Variants in VPS8 observed in about 807,000 individuals in gnomAD.
VPS8 encodes VPS8 subunit of CORVET complex, also known as vacuolar protein sorting-associated protein 8 homolog.
In VPS8, 129 loss-of-function variants were observed where a neutral mutation model predicts 216.4. The observed-to-expected ratio is 0.60, with a 90% confidence interval of 0.52 to 0.69. The LOEUF (loss-of-function observed/expected upper bound fraction) is 0.69. Among genes scored for constraint, VPS8 ranks in the 30% least tolerant of loss-of-function variants. The pLI is 0.00. For synonymous variants in VPS8, 571 were observed against 565.4 expected, an observed-to-expected ratio of 1.01 and a Z score of -0.14; for missense variants, 1,531 against 1,683.5, an observed-to-expected ratio of 0.91 and a Z score of 1.59.
chr3:184,942,093 TA>T (rs1284678840), intron 36 of VPS8, among the ~76,000 whole-genome samples: 1 of 152,102 alleles, frequency 6.6e-6, no homozygotes, highest in African/African-American at 2.4e-5. Flanking sequence ...AATCATTTTT[TA>T]ATAAAAAGCA....
chr3:184,950,656 G>A (rs997809307), intron 36 of VPS8, among the ~76,000 whole-genome samples: 1 of 152,040 alleles, frequency 6.6e-6, no homozygotes, highest in African/African-American at 2.4e-5. Flanking sequence ...TGTTACATAG[G>A]TATACATGTG....
intron 46 of VPS8, among the ~76,000 whole-genome samples, chr3:185,045,662 T>TC (rs367961323): frequency 9.9e-5 from 15 of 151,274 alleles, no homozygotes; most frequent in African/African-American, 1.7e-4. Context: ...TCTCTCCTAC[T>TC]CAGCTGAGGT....
chr3:184,869,017 A>G lies in VPS8; in HGVS notation c.1578A>G (p.Gly526=). 1 of 1,607,746 alleles carries G rather than the reference A, an allele frequency of 6.2e-7. No individual in the cohort carries two copies. Among genetic ancestry groups the G allele is most frequent in the Non-Finnish European group, 8.5e-7 (1 of 1,177,130 alleles). ...ALALAWSFHE[G]KAKAVVGLSG... ...CTCTTGCGTGGTCTTTCCATGAAGG[A>G]AAAGCAAAAGCAGTAGTGGGTGAGT... is the stretch of plus-strand genomic sequence containing the variant. The change falls in exon 19 of 48, where the codon GGA becomes GGG. Residue 526 remains glycine, a synonymous_variant. Transcript: ENST00000625842.
chr3:184,908,248 T>C (rs1735843702), intron 25 of VPS8, among the ~76,000 whole-genome samples: 1 of 152,174 alleles, frequency 6.6e-6, no homozygotes, highest in Admixed American at 6.5e-5. Context: ...GACAATTCGC[T>C]GAGGATGGGG....
chr3:184,909,249 C>G (rs1736055919), intron 25 of VPS8, among the ~76,000 whole-genome samples: 1 of 152,242 alleles, frequency 6.6e-6, no homozygotes, highest in South Asian at 2.1e-4. Context: ...ATTCACTGGT[C>G]TTCCTGAGAT....
At chr3:184,982,423 AT>A in intron 40 of VPS8, 142 bp from the exon 41 acceptor site, 1 of 496,710 alleles carries the variant, frequency 2.0e-6, no homozygotes, top group Non-Finnish European at 3.4e-6. Flanking sequence ...TTCCATTTTT[AT>A]TTTTTCTAAT....
chr3:184,875,932 C>T (rs1265534306), intron 21 of VPS8, among the ~76,000 whole-genome samples: 1 of 151,284 alleles, frequency 6.6e-6, no homozygotes, highest in Non-Finnish European at 1.5e-5. Context: ...TGAGGTTGCA[C>T]TGAGCCAAGA....
intron 5 of VPS8, among the ~76,000 whole-genome samples, chr3:184,837,165 A>G (rs76533207): frequency 0.012 from 1,782 of 152,194 alleles, 45 homozygotes; most frequent in African/African-American, 0.041. Flanking sequence ...ATATTGCAAC[A>G]CCAGTACTAA....
chr3:184,982,396 T>C (rs1468104105), intron 40 of VPS8, 170 bp from the exon 41 acceptor site: 5 of 577,724 alleles, frequency 8.7e-6, no homozygotes. Context: ...GTCTTTTTTT[T>C]TTTTTGCCCC....
At chr3:184,849,507 T>C (rs1560374923) in intron 9 of VPS8, 1 of 263,246 alleles carries the variant, frequency 3.8e-6, no homozygotes, top group Admixed American at 5.1e-5. Flanking sequence ...GGCTGCTTTT[T>C]AGAAAGATTC....
chr3:184,887,988 C>CTT (rs761993920), intron 22 of VPS8, among the ~76,000 whole-genome samples: 11 of 139,994 alleles, frequency 7.9e-5, no homozygotes, highest in African/African-American at 7.8e-5. Flanking sequence ...GAGAACATTA[C>CTT]TTTTTTTTTT....
intron 25 of VPS8, among the ~76,000 whole-genome samples, chr3:184,902,645 C>T (rs139577760): frequency 1.4e-3 from 216 of 150,466 alleles, no homozygotes; most frequent in African/African-American, 5.0e-3. Context: ...GCCTGGCCAA[C>T]ATGGTGAAAC....
intron 43 of VPS8, among the ~76,000 whole-genome samples, chr3:184,995,302 A>G (rs982103892): frequency 2.6e-5 from 4 of 152,180 alleles, no homozygotes; most frequent in African/African-American, 7.2e-5. Context: ...ATCCGAGAGA[A>G]GAAAAGGAAA....
intron 46 of VPS8, among the ~76,000 whole-genome samples, chr3:185,045,190 C>T (rs886136663): frequency 1.3e-5 from 2 of 152,260 alleles, no homozygotes; most frequent in African/African-American, 4.8e-5. Flanking sequence ...TACAAAGTGG[C>T]CCGTGTCTCT....
chr3:184,984,188 A>AC (rs1750683672), intron 42 of VPS8, among the ~76,000 whole-genome samples: 2 of 14 alleles, frequency 0.14, no homozygotes, highest in African/African-American at 0.17. Flanking sequence ...CGTCTCAAAA[A>AC]AAAAAACTCT....
intron 22 of VPS8, chr3:184,893,196 A>G: frequency 5.2e-6 from 6 of 1,148,986 alleles, no homozygotes; most frequent in Non-Finnish European, 5.5e-6. Context: ...GTTCTGGTGC[A>G]GTTGTAGCCA....
chr3:184,928,510 C>T lies in VPS8; in HGVS notation c.2691C>T (p.Ile897=). The change falls in exon 32 of 48, where the codon ATC becomes ATT. Residue 897 remains isoleucine, a synonymous_variant. Coordinates refer to ENST00000625842, the MANE Select transcript of VPS8 (RefSeq NM_001009921.3). ...GIVQFEESRL[I]RMAEKAEFYQ... is the part of the protein sequence containing the mutation. ...TTCAATTTGAAGAGAGTCGACTCAT[C>T]CGGATGGCAGAAAAAGCTGAGTTGT... The T allele has an allele frequency of 6.6e-7, 1 of 1,524,206 alleles. No individual in the cohort carries two copies. The highest frequency in any genetic ancestry group is 8.7e-7 in the Non-Finnish European group (1 of 1,147,764). The allele number at this position is 1,524,206 out of a possible 1,614,324, so 94.4% of individuals were successfully genotyped here.
At position 184,894,702 on chromosome 3, in the gene VPS8, G is replaced by A; in HGVS notation, c.1782-1G>A. 3 of 1,590,380 alleles carry A rather than the reference G, an allele frequency of 1.9e-6. No individual in the cohort carries two copies. The South Asian group carries it at 3.4e-5, about 18-fold the overall frequency. On this transcript the variant is annotated splice_acceptor_variant, in intron 22 of 47. Transcript: ENST00000625842. LOFTEE classifies it high-confidence loss of function. Reference sequence around the variant, plus strand: ...TTTTTCTCCCCCCCTTTCTGTTACAGGGATCTTTTATTTAGTCAGATGTAT... The same window carrying A: ...TTTTTCTCCCCCCCTTTCTGTTACAAGGATCTTTTATTTAGTCAGATGTAT...
intron 43 of VPS8, among the ~76,000 whole-genome samples, chr3:184,995,320 T>G (rs753156831): frequency 1.4e-4 from 21 of 152,146 alleles, no homozygotes; most frequent in Non-Finnish European, 2.9e-4. Flanking sequence ...AAAATCTGGG[T>G]GACAGCTTTT....
Sources: allele counts gnomAD v4.1 joint callset (sites outside exome capture counted in the v4.1 genomes callset), GRCh38; gene constraint gnomAD v4.1.1; transcripts MANE v1.5; gene names NCBI Gene and HGNC (gene_info 2026-07-23, HGNC 2026-07-21).